The following FAM13A variants were observed in gnomAD, a reference collection of about 807,000 sequenced individuals.
FAM13A encodes the protein protein FAM13A.
Under a neutral mutation model 129.6 loss-of-function variants are expected in FAM13A, and 76 were observed. The observed-to-expected ratio is 0.59, with a 90% confidence interval of 0.49 to 0.71. The LOEUF (loss-of-function observed/expected upper bound fraction) is 0.71, where lower values mean the gene tolerates loss of function less well. Ranked by LOEUF, FAM13A falls within the 30% of genes least tolerant of loss-of-function variation. The probability of loss-of-function intolerance (pLI) is 0.00; values close to 1 mark genes in which losing one functional copy is unlikely to be tolerated. For synonymous variants in FAM13A, 443 were observed against 449.9 expected (o/e 0.98, Z 0.20); for missense variants, 1,108 against 1,249.3 (o/e 0.89, Z 1.70).
At chr4:88,746,909 A>G in intron 19 of FAM13A, 23 bp downstream of exon 19, 2 of 1,521,818 alleles carry the variant, frequency 1.3e-6, no homozygotes, top group Non-Finnish European at 9.1e-7. Context: ...GACCCCAATC[A>G]GAAAATTTAC....
chr4:88,945,935 T>C (rs1212941356), intron 4 of FAM13A, among the ~76,000 whole-genome samples: 1 of 137,190 alleles, frequency 7.3e-6, no homozygotes, highest in East Asian at 2.0e-4. Context: ...ATATATTATA[T>C]GCATAGTATA....
chr4:89,041,497 C>T (rs927518014), intron 1 of FAM13A, among the ~76,000 whole-genome samples: 2 of 152,140 alleles, frequency 1.3e-5, no homozygotes, highest in Admixed American at 6.5e-5. Context: ...ACAAGCTTAG[C>T]GTTCCAATAA....
chr4:88,802,976 T>C (rs1038730944), intron 8 of FAM13A, among the ~76,000 whole-genome samples: 1 of 152,212 alleles, frequency 6.6e-6, no homozygotes, highest in Non-Finnish European at 1.5e-5. Context: ...CTCACAGACT[T>C]GTAGCCACTG....
chr4:88,945,994 A>ATGTATGTG (rs1386008438), intron 4 of FAM13A, among the ~76,000 whole-genome samples: 13 of 63,496 alleles, frequency 2.0e-4, no homozygotes, highest in African/African-American at 6.3e-4. Context: ...GTGTGTGTAT[A>ATGTATGTG]TATATATATA....
At chr4:88,748,820 A>G in intron 17 of FAM13A, 132 bp downstream of exon 17, 1 of 742,850 alleles carries the variant, frequency 1.3e-6, no homozygotes, top group Non-Finnish European at 2.4e-6. Flanking sequence ...GTCACTCTGA[A>G]TAGCTGAGAG....
chr4:88,874,016 T>C (rs969329183), intron 6 of FAM13A, among the ~76,000 whole-genome samples: 46 of 152,120 alleles, frequency 3.0e-4, no homozygotes, highest in African/African-American at 1.0e-3. Context: ...ATCCATCACA[T>C]AAACAGAACC....
chr4:88,754,498 C>T (rs761681230), intron 14 of FAM13A, among the ~76,000 whole-genome samples: 27 of 152,094 alleles, frequency 1.8e-4, no homozygotes, highest in African/African-American at 3.9e-4. Flanking sequence ...TTAAGGGGGC[C>T]GATGTTTTCC....
At chr4:88,818,951 G>A (rs959442623) in intron 7 of FAM13A, among the ~76,000 whole-genome samples, 2 of 152,154 alleles carry the variant, frequency 1.3e-5, no homozygotes, top group South Asian at 2.1e-4. Flanking sequence ...CAACGTTTAC[G>A]TTGGCAAAAG....
chr4:89,002,149 T>C (rs1764332786), intron 3 of FAM13A, among the ~76,000 whole-genome samples: 1 of 89,732 alleles, frequency 1.1e-5, no homozygotes, highest in African/African-American at 4.2e-5. Flanking sequence ...AGTAAAATAA[T>C]ACTTAAAAAG....
intron 6 of FAM13A, among the ~76,000 whole-genome samples, chr4:88,889,264 T>A (rs7690981): frequency 0.012 from 1,790 of 152,268 alleles, 43 homozygotes; most frequent in African/African-American, 0.04. Context: ...TGAGTGTGGT[T>A]ATGCTGTCTG....
chr4:89,014,086 T>C (rs545028648), intron 3 of FAM13A, among the ~76,000 whole-genome samples: 3 of 152,240 alleles, frequency 2.0e-5, no homozygotes, highest in South Asian at 4.1e-4. Context: ...CGACCCTGAA[T>C]TGGAAAAGGC....
At chr4:89,017,135 T>C (rs1450236514) in intron 3 of FAM13A, among the ~76,000 whole-genome samples, 2 of 152,196 alleles carry the variant, frequency 1.3e-5, no homozygotes, top group Non-Finnish European at 2.9e-5. Context: ...CACACAACAA[T>C]GAAATCACCT....
intron 6 of FAM13A, among the ~76,000 whole-genome samples, chr4:88,886,550 T>C (rs945219358): frequency 4.6e-5 from 7 of 151,410 alleles, no homozygotes; most frequent in Admixed American, 3.3e-4. Flanking sequence ...ATCGCACCAC[T>C]GCACTCCAGC....
chr4:88,813,807 C>T (rs1039640473), intron 7 of FAM13A, among the ~76,000 whole-genome samples: 4 of 152,148 alleles, frequency 2.6e-5, no homozygotes, highest in African/African-American at 9.7e-5. Flanking sequence ...GGATGATGAG[C>T]AGCAACTGGA....
intron 21 of FAM13A, among the ~76,000 whole-genome samples, chr4:88,734,083 TAATA>T (rs1164370331): frequency 1.3e-5 from 2 of 152,238 alleles, no homozygotes; most frequent in Non-Finnish European, 2.9e-5. Context: ...TAGAAGGAAT[TAATA>T]CATAGATAAT....
intron 6 of FAM13A, among the ~76,000 whole-genome samples, chr4:88,874,548 A>G (rs1355218060): frequency 6.6e-6 from 1 of 152,208 alleles, no homozygotes; most frequent in Non-Finnish European, 1.5e-5. Context: ...CAATTGCTTC[A>G]AAGAGAATAA....
intron 1 of FAM13A, among the ~76,000 whole-genome samples, chr4:89,032,013 A>T (rs1256419831): frequency 6.6e-6 from 1 of 152,036 alleles, no homozygotes; most frequent in Non-Finnish European, 1.5e-5. Context: ...AGGTCAGGAG[A>T]TCGAGACCAT....
At chr4:89,048,444 T>C (rs899532683) in intron 1 of FAM13A, among the ~76,000 whole-genome samples, 1 of 151,992 alleles carries the variant, frequency 6.6e-6, no homozygotes, top group Non-Finnish European at 1.5e-5. Context: ...TAAAGCAAAT[T>C]AGTGGTTGTC....
intron 4 of FAM13A, among the ~76,000 whole-genome samples, chr4:88,977,784 T>C (rs996256673): frequency 9.9e-5 from 15 of 152,146 alleles, no homozygotes; most frequent in African/African-American, 3.6e-4. Flanking sequence ...CTAACACTAA[T>C]AGCTGCGTAA....
Sources: allele counts gnomAD v4.1 joint callset (sites outside exome capture counted in the v4.1 genomes callset), GRCh38; gene constraint gnomAD v4.1.1; transcripts MANE v1.5; gene names NCBI Gene and HGNC (gene_info 2026-07-23, HGNC 2026-07-21).